The following MBD2 variants were observed in gnomAD, a reference collection of about 807,000 sequenced individuals.
The protein encoded by MBD2 is methyl-CpG-binding domain protein 2.
A neutral mutation model predicts 39.3 loss-of-function variants in MBD2; 9 were observed. The ratio of observed to expected loss-of-function variants is 0.23; its 90% CI spans 0.14 to 0.40. MBD2 has a LOEUF of 0.40. Ranked by LOEUF, MBD2 falls within the 10% of genes least tolerant of loss-of-function variation. MBD2 has a pLI of 1.00. For synonymous variants in MBD2, 233 were observed against 211.1 expected (o/e 1.10, Z -0.90); for missense variants, 458 against 532.6 (o/e 0.86, Z 1.38).
intron 3 of MBD2, among the ~76,000 whole-genome samples, chr18:54,167,257 T>C (rs1451480096): frequency 6.6e-6 from 1 of 152,158 alleles, no homozygotes; most frequent in East Asian, 1.9e-4. Flanking sequence ...CACAAACCCA[T>C]ACTGAAATCT....
intron 1 of MBD2, among the ~76,000 whole-genome samples, chr18:54,211,386 T>TAC (rs1402095105): frequency 2.6e-4 from 17 of 64,912 alleles, no homozygotes; most frequent in African/African-American, 6.3e-4. Context: ...ATATTATTGC[T>TAC]ATACACACAC....
At chr18:54,192,794 C>A (rs1165010610) in intron 2 of MBD2, among the ~76,000 whole-genome samples, 1 of 147,790 alleles carries the variant, frequency 6.8e-6, no homozygotes, top group Non-Finnish European at 1.5e-5. Flanking sequence ...GATGGACGTT[C>A]TTCCATTCAC....
intron 5 of MBD2, among the ~76,000 whole-genome samples, chr18:54,163,274 AAAAC>A (rs1234393352): frequency 2.6e-5 from 4 of 152,338 alleles, no homozygotes; most frequent in South Asian, 2.1e-4. Context: ...TCTGTCTCAA[AAAAC>A]AAACAAACAA....
At chr18:54,216,889 G>A (rs934759432) in intron 1 of MBD2, among the ~76,000 whole-genome samples, 1 of 152,082 alleles carries the variant, frequency 6.6e-6, no homozygotes, top group Non-Finnish European at 1.5e-5. Context: ...TCAGGAGTTC[G>A]AGACCAGCCT....
intron 6 of MBD2, among the ~76,000 whole-genome samples, chr18:54,157,618 G>A (rs935772866): frequency 9.9e-5 from 15 of 152,154 alleles, no homozygotes; most frequent in Non-Finnish European, 1.5e-4. Context: ...TGCCATGGAT[G>A]GACATGTAAA....
chr18:54,202,974 G>T, intron 2 of MBD2: 1 of 988,266 alleles, frequency 1.0e-6, no homozygotes, highest in Non-Finnish European at 1.6e-6. Context: ...GCTGGGTCTT[G>T]GATGAGTAGG....
intron 1 of MBD2, among the ~76,000 whole-genome samples, chr18:54,215,833 C>T (rs2086555222): frequency 1.3e-5 from 2 of 149,156 alleles, no homozygotes; most frequent in Admixed American, 6.8e-5. Flanking sequence ...CAGAGTTTCG[C>T]TCTTGTTGCC....
chr18:54,201,862 C>CAA (rs1205443782), intron 2 of MBD2, among the ~76,000 whole-genome samples: 3 of 77,008 alleles, frequency 3.9e-5, no homozygotes, highest in African/African-American at 9.8e-5. Flanking sequence ...GACTCCATCT[C>CAA]AAAAAAAAAA....
At chr18:54,173,957 A>G (rs1440178270) in intron 3 of MBD2, among the ~76,000 whole-genome samples, 6 of 152,138 alleles carry the variant, frequency 3.9e-5, no homozygotes, top group Non-Finnish European at 8.8e-5. Context: ...CCTTAGAAAA[A>G]CCTCAAAAGA....
chr18:54,203,940 CTTACT>C (rs896302474), intron 2 of MBD2, among the ~76,000 whole-genome samples: 16 of 152,170 alleles, frequency 1.1e-4, no homozygotes, highest in Non-Finnish European at 2.4e-4. Flanking sequence ...GGAAAATTTT[CTTACT>C]TTAATTTTAC....
Position 54,152,571 on chromosome 18 carries a change from CA to C in MBD2, c.*2752del, listed in dbSNP as rs2086028417. The C allele has an allele frequency of 6.6e-6, 1 of 152,080 alleles. No individual in the cohort carries two copies. Among genetic ancestry groups the C allele is most frequent in the Non-Finnish European group, 1.5e-5 (1 of 68,002 alleles). 9.4% of individuals were successfully genotyped at this position (152,080 alleles called of 1,614,324 possible). On this transcript the variant is annotated 3_prime_UTR_variant, in exon 7 of 7. Transcript: ENST00000256429. ...TCTAGTAGAGAAATAGACAAAAAGC[CA>C]ACAAATAAATAAAATACAGACTTAG...
chr18:54,203,222 G>T (rs115672716), intron 2 of MBD2: 4 of 1,283,832 alleles, frequency 3.1e-6, no homozygotes, highest in South Asian at 2.9e-5. Context: ...TGTGGTTCTG[G>T]TAACAGTACA....
chr18:54,162,796 A>G (rs1043822165), intron 5 of MBD2, among the ~76,000 whole-genome samples: 2 of 152,220 alleles, frequency 1.3e-5, no homozygotes, highest in African/African-American at 4.8e-5. Context: ...AAAGTTTTTA[A>G]GAAACTTCAT....
At chr18:54,188,845 T>C (rs1488489763) in intron 3 of MBD2, 29 bp downstream of exon 3, 13 of 1,561,814 alleles carry the variant, frequency 8.3e-6, no homozygotes, top group Non-Finnish European at 1.1e-5. Context: ...TTCTGAAAAA[T>C]AAGATTGGAG....
At chr18:54,170,399 G>C (rs1009051090) in intron 3 of MBD2, among the ~76,000 whole-genome samples, 2 of 152,186 alleles carry the variant, frequency 1.3e-5, no homozygotes, top group Non-Finnish European at 2.9e-5. Flanking sequence ...AAGAGGATGA[G>C]AAAGAAACAG....
At chr18:54,172,070 T>C (rs747394302) in intron 3 of MBD2, among the ~76,000 whole-genome samples, 10 of 152,240 alleles carry the variant, frequency 6.6e-5, no homozygotes, top group Non-Finnish European at 1.2e-4. Flanking sequence ...ATCAAATTAC[T>C]CTTAATCCAT....
chr18:54,212,236 T>C (rs2086514107), intron 1 of MBD2, among the ~76,000 whole-genome samples: 1 of 152,052 alleles, frequency 6.6e-6, no homozygotes, highest in Non-Finnish European at 1.5e-5. Context: ...CTACCCCTAG[T>C]CTCCAAGAGC....
chr18:54,166,670 A>T (rs1292363830), intron 3 of MBD2, among the ~76,000 whole-genome samples: 1 of 152,166 alleles, frequency 6.6e-6, no homozygotes, highest in Non-Finnish European at 1.5e-5. Context: ...TTCAATGAAA[A>T]GTTTTCTAAA....
intron 5 of MBD2, among the ~76,000 whole-genome samples, chr18:54,160,401 G>C (rs1276021180): frequency 1.3e-5 from 2 of 152,090 alleles, no homozygotes; most frequent in Non-Finnish European, 2.9e-5. Flanking sequence ...GGATTCTGAG[G>C]TCTGCAGGCA....
Sources: allele counts gnomAD v4.1 joint callset (sites outside exome capture counted in the v4.1 genomes callset), GRCh38; gene constraint gnomAD v4.1.1; transcripts MANE v1.5; gene names NCBI Gene and HGNC (gene_info 2026-07-23, HGNC 2026-07-21).